The following CDK6 variants were observed in gnomAD, a reference collection of about 807,000 sequenced individuals.
CDK6 encodes the protein cyclin-dependent kinase 6.
Under a neutral mutation model 37.1 loss-of-function variants are expected in CDK6, and 6 were observed. The observed-to-expected ratio is 0.16, with a 90% CI of 0.09 to 0.32. The LOEUF (loss-of-function observed/expected upper bound fraction) is 0.32, where lower values mean the gene tolerates loss of function less well. Among genes scored for constraint, CDK6 ranks in the 10% least tolerant of loss-of-function variants. The pLI is 1.00. For missense variants in CDK6, 224 were observed against 418.9 expected, an observed-to-expected ratio of 0.53 and a Z score of 4.06; for synonymous variants, 160 against 161.3, an observed-to-expected ratio of 0.99 and a Z score of 0.06.
Position 92,623,102 on chromosome 7 carries a change from T to G in CDK6, c.648-16A>C. On this transcript the variant is annotated splice_polypyrimidine_tract_variant and intron_variant, in intron 5 of 7. Coordinates refer to ENST00000424848, the MANE Select transcript of CDK6 (RefSeq NM_001145306.2). ...AAAAAGAGGCCTAAAAGAATAAAGATACATTTTAAATAAGAAATGTTCTCA... is the reference window on the plus strand; with the variant it reads ...AAAAAGAGGCCTAAAAGAATAAAGAGACATTTTAAATAAGAAATGTTCTCA... 1 of 1,505,876 alleles carries G rather than the reference T, an allele frequency of 6.6e-7. No homozygotes were observed. Among genetic ancestry groups the G allele is most frequent in the Non-Finnish European group, 9.2e-7 (1 of 1,088,500 alleles). 93.3% of individuals were successfully genotyped at this position (1,505,876 alleles called of 1,614,324 possible).
chr7:92,829,416 A>G (rs1175854805), intron 2 of CDK6, among the ~76,000 whole-genome samples: 2 of 152,210 alleles, frequency 1.3e-5, no homozygotes, highest in Non-Finnish European at 2.9e-5. Context: ...GAAACAATAC[A>G]GGTAAGCACT....
intron 3 of CDK6, among the ~76,000 whole-genome samples, chr7:92,735,362 A>G (rs532888453): frequency 1.3e-5 from 2 of 152,258 alleles, no homozygotes; most frequent in South Asian, 4.2e-4. Flanking sequence ...GGTGTAAATG[A>G]TTCCATCACC....
intron 4 of CDK6, among the ~76,000 whole-genome samples, chr7:92,684,905 C>A (rs1773894617): frequency 6.6e-6 from 1 of 151,992 alleles, no homozygotes; most frequent in Non-Finnish European, 1.5e-5. Context: ...GTTTTGAACA[C>A]AGTGCAATTG....
At chr7:92,798,237 T>C (rs1324450328) in intron 2 of CDK6, among the ~76,000 whole-genome samples, 1 of 152,202 alleles carries the variant, frequency 6.6e-6, no homozygotes, top group African/African-American at 2.4e-5. Context: ...TTTTAGTGCA[T>C]AATACATTTA....
chr7:92,709,267 C>G (rs1323598577), intron 4 of CDK6, among the ~76,000 whole-genome samples: 1 of 152,102 alleles, frequency 6.6e-6, no homozygotes, highest in Non-Finnish European at 1.5e-5. Context: ...TTTTAAAGCA[C>G]TCTGCTCAAC....
At chr7:92,631,564 T>G (rs1232196465) in intron 5 of CDK6, among the ~76,000 whole-genome samples, 1 of 152,180 alleles carries the variant, frequency 6.6e-6, no homozygotes, top group African/African-American at 2.4e-5. Flanking sequence ...TCTCTTTCAG[T>G]AAATGACTTC....
intron 4 of CDK6, among the ~76,000 whole-genome samples, chr7:92,678,084 G>A (rs943290243): frequency 1.3e-5 from 2 of 152,228 alleles, no homozygotes; most frequent in African/African-American, 4.8e-5. Context: ...TTGTTTCAAG[G>A]TTTTAGCTCG....
At chr7:92,671,870 A>G (rs1330860432) in intron 4 of CDK6, among the ~76,000 whole-genome samples, 2 of 151,862 alleles carry the variant, frequency 1.3e-5, no homozygotes, top group Admixed American at 6.6e-5. Flanking sequence ...AAAAAATAAT[A>G]CATGGAAAAC....
At chr7:92,635,991 A>G (rs1796161191) in intron 5 of CDK6, among the ~76,000 whole-genome samples, 1 of 152,236 alleles carries the variant, frequency 6.6e-6, no homozygotes, top group Admixed American at 6.5e-5. Context: ...TATTTTATCA[A>G]GTATTTAAAT....
intron 3 of CDK6, among the ~76,000 whole-genome samples, chr7:92,758,058 A>C (rs573377873): frequency 7.2e-5 from 11 of 152,258 alleles, no homozygotes; most frequent in African/African-American, 2.6e-4. Flanking sequence ...CCTTTGTCAG[A>C]TGCACAGTTT....
intron 2 of CDK6, among the ~76,000 whole-genome samples, chr7:92,787,702 T>C (rs1800181052): frequency 6.6e-6 from 1 of 152,078 alleles, no homozygotes; most frequent in Non-Finnish European, 1.5e-5. Flanking sequence ...AAATTATTTT[T>C]CTGATACTTG....
chr7:92,671,846 C>G (rs531946126), intron 4 of CDK6, among the ~76,000 whole-genome samples: 13 of 151,800 alleles, frequency 8.6e-5, no homozygotes, highest in East Asian at 3.9e-4. Context: ...TTCTCCCCCC[C>G]TTTAAGGGCC....
chr7:92,661,236 AG>A (rs1264962446), intron 5 of CDK6, among the ~76,000 whole-genome samples: 1 of 152,222 alleles, frequency 6.6e-6, no homozygotes, highest in East Asian at 1.9e-4. Flanking sequence ...CCTGGTTCAA[AG>A]CCTCTTCTTG....
intron 4 of CDK6, among the ~76,000 whole-genome samples, chr7:92,685,112 TGAAA>T (rs1390335808): frequency 6.6e-6 from 1 of 152,242 alleles, no homozygotes; most frequent in Non-Finnish European, 1.5e-5. Context: ...TGAGCAGAGA[TGAAA>T]GAAAGGATCA....
intron 5 of CDK6, among the ~76,000 whole-genome samples, chr7:92,633,726 T>C (rs1453262795): frequency 6.6e-6 from 1 of 152,010 alleles, no homozygotes; most frequent in African/African-American, 2.4e-5. Flanking sequence ...TAGCATAATG[T>C]AATGTGTTAG....
At chr7:92,730,474 T>C (rs1156370933) in intron 3 of CDK6, among the ~76,000 whole-genome samples, 1 of 152,180 alleles carries the variant, frequency 6.6e-6, no homozygotes, top group African/African-American at 2.4e-5. Context: ...AGGGTTACGA[T>C]TATAGCAACA....
intron 4 of CDK6, among the ~76,000 whole-genome samples, chr7:92,677,911 G>A (rs1444080427): frequency 2.0e-5 from 3 of 152,160 alleles, no homozygotes; most frequent in Admixed American, 2.0e-4. Flanking sequence ...AAATTTTCCT[G>A]ACAGTAAAAT....
chr7:92,697,357 A>C (rs1347926956), intron 4 of CDK6, among the ~76,000 whole-genome samples: 1 of 152,204 alleles, frequency 6.6e-6, no homozygotes, highest in Non-Finnish European at 1.5e-5. Context: ...GCCAAAGAAA[A>C]ACAGTCGAAG....
In CDK6 at chr7:92,618,156, G is replaced by C. The variant is rs2116484562; in HGVS notation, c.750C>G (p.Pro250=). 6.2e-7 allele frequency: 1 copy of C among 1,614,086 alleles called. No individual in the cohort carries two copies. Residue 250 remains proline (P), a synonymous_variant, in exon 7 of 8, where the codon CCC becomes CCG. Coordinates refer to ENST00000424848, the MANE Select transcript of CDK6 (RefSeq NM_001145306.2). The part of the protein sequence containing the change: ...EEDWPRDVAL[P]RQAFHSKSAQ... Reference sequence around the variant, plus strand: ...CAGATTTTGAATGAAAAGCCTGCCTGGGAAGGGCAACATCTCTAGGCCAGT... The same window carrying C: ...CAGATTTTGAATGAAAAGCCTGCCTCGGAAGGGCAACATCTCTAGGCCAGT...
Sources: allele counts gnomAD v4.1 joint callset (sites outside exome capture counted in the v4.1 genomes callset), GRCh38; gene constraint gnomAD v4.1.1; transcripts MANE v1.5; gene names NCBI Gene and HGNC (gene_info 2026-07-23, HGNC 2026-07-21).